Variants in INPP4B observed in about 807,000 individuals in gnomAD.
The protein encoded by INPP4B is inositol polyphosphate-4-phosphatase type II B, also known as inositol polyphosphate 4-phosphatase type II.
A neutral mutation model predicts 122.5 loss-of-function variants in INPP4B; 55 were observed. The ratio of observed to expected loss-of-function variants is 0.45; its 90% CI spans 0.36 to 0.56. The LOEUF (loss-of-function observed/expected upper bound fraction) is 0.56, where lower values mean the gene tolerates loss of function less well. Among genes scored for constraint, INPP4B ranks in the 20% least tolerant of loss-of-function variants. The pLI is 0.00. For missense variants in INPP4B, 1,000 were observed against 1,097.7 expected, an observed-to-expected ratio of 0.91 and a Z score of 1.26; for synonymous variants, 403 against 388.7, an observed-to-expected ratio of 1.04 and a Z score of -0.43.
intron 1 of INPP4B, among the ~76,000 whole-genome samples, chr4:142,758,352 T>C (rs772138911): frequency 6.6e-6 from 1 of 152,146 alleles, no homozygotes; most frequent in Non-Finnish European, 1.5e-5. Context: ...AGGGAATTAA[T>C]GTATGAACAT....
At chr4:142,337,774 T>C (rs1310901737) in intron 7 of INPP4B, among the ~76,000 whole-genome samples, 1 of 143,214 alleles carries the variant, frequency 7.0e-6, no homozygotes, top group East Asian at 2.0e-4. Context: ...TTTATATATA[T>C]ATTTATATAG....
chr4:142,610,467 A>G (rs1252808252), intron 2 of INPP4B, among the ~76,000 whole-genome samples: 1 of 152,220 alleles, frequency 6.6e-6, no homozygotes, highest in Non-Finnish European at 1.5e-5. Context: ...AATATAACCA[A>G]CACTGTTAAG....
At chr4:142,362,953 G>A (rs1437238462) in intron 7 of INPP4B, among the ~76,000 whole-genome samples, 5 of 152,014 alleles carry the variant, frequency 3.3e-5, no homozygotes, top group African/African-American at 1.2e-4. Flanking sequence ...ATATATCCTT[G>A]TAAGACACCT....
At chr4:142,845,946 C>T (rs1156957670) in intron 1 of INPP4B, among the ~76,000 whole-genome samples, 1 of 152,058 alleles carries the variant, frequency 6.6e-6, no homozygotes, top group African/African-American at 2.4e-5. Flanking sequence ...CAGAGGGGCG[C>T]TCGGCGAGAG....
chr4:142,173,780 G>A lies in INPP4B; in HGVS notation c.1211C>T (p.Pro404Leu), dbSNP rs1826672256. The A allele has an allele frequency of 1.9e-6, 3 of 1,612,902 alleles. No homozygotes were observed. The highest frequency in any genetic ancestry group is 2.5e-6 in the Non-Finnish European group (3 of 1,179,294). The change falls in exon 16 of 26, where the codon CCT becomes CTT. Residue 404 changes from proline to leucine, a missense_variant. Pro to Leu is a moderately conservative substitution (Grantham distance 98, BLOSUM62 -3). Coordinates refer to ENST00000262992, the MANE Select transcript of INPP4B (RefSeq NM_001101669.3). ...TTCCTTTGCTTTGGCTGTGTTTTCA[G>A]GTGAATAGTAAATAAACTGGTATCC... The part of the protein sequence containing the change: ...NTGYQFIYYS[P>L]ENTAKAKEVL...
intron 2 of INPP4B, among the ~76,000 whole-genome samples, chr4:142,501,208 G>T (rs1456726636): frequency 6.6e-6 from 1 of 152,244 alleles, no homozygotes; most frequent in South Asian, 2.1e-4. Flanking sequence ...CCAGTTGTTG[G>T]CTCATTTATA....
At chr4:142,111,736 A>G (rs1264226943) in intron 22 of INPP4B, among the ~76,000 whole-genome samples, 1 of 149,570 alleles carries the variant, frequency 6.7e-6, no homozygotes, top group East Asian at 2.0e-4. Flanking sequence ...TTCAAAAAAA[A>G]GAGATTTTTT....
intron 1 of INPP4B, among the ~76,000 whole-genome samples, chr4:142,819,530 C>A (rs1780546066): frequency 6.6e-6 from 1 of 152,144 alleles, no homozygotes; most frequent in African/African-American, 2.4e-5. Flanking sequence ...CTGTTACCCA[C>A]TTCATCTAAA....
intron 22 of INPP4B, among the ~76,000 whole-genome samples, chr4:142,110,036 A>T (rs1477533942): frequency 3.3e-5 from 5 of 152,192 alleles, no homozygotes; most frequent in Non-Finnish European, 7.4e-5. Context: ...ACTGGTATTT[A>T]AAAAATACCA....
At position 142,028,502 on chromosome 4, in the gene INPP4B, A is replaced by G; in HGVS notation, c.*280T>C. 1 of 374,994 alleles carries G rather than the reference A, an allele frequency of 2.7e-6. No individual in the cohort carries two copies. The highest frequency in any genetic ancestry group is 4.1e-5 in the East Asian group (1 of 24,170). 23.2% of individuals were successfully genotyped at this position (374,994 alleles called of 1,614,324 possible). ...AGAAACATTTAAATACTCATGAATG[A>G]AATTTACACTTTGTGAACCAATCTC... On this transcript the variant is annotated 3_prime_UTR_variant, in exon 26 of 26. Coordinates refer to ENST00000262992, the MANE Select transcript of INPP4B (RefSeq NM_001101669.3).
At chr4:142,511,573 C>A (rs1824720318) in intron 2 of INPP4B, among the ~76,000 whole-genome samples, 1 of 152,056 alleles carries the variant, frequency 6.6e-6, no homozygotes, top group South Asian at 2.1e-4. Flanking sequence ...GAGTTTAAAT[C>A]AGTGGTTCTT....
At chr4:142,209,113 A>C in intron 12 of INPP4B, 87 bp from the exon 13 acceptor site, 2 of 925,196 alleles carry the variant, frequency 2.2e-6, no homozygotes, top group Non-Finnish European at 3.1e-6. Flanking sequence ...CAAGATAATA[A>C]GAAATTATTT....
intron 2 of INPP4B, among the ~76,000 whole-genome samples, chr4:142,490,537 C>A (rs775767543): frequency 7.9e-5 from 12 of 151,976 alleles, no homozygotes; most frequent in Non-Finnish European, 1.6e-4. Flanking sequence ...CTATCCATTA[C>A]CTCATAATTA....
chr4:142,038,943 A>T (rs1046715568), intron 25 of INPP4B, among the ~76,000 whole-genome samples: 1 of 152,164 alleles, frequency 6.6e-6, no homozygotes, highest in African/African-American at 2.4e-5. Flanking sequence ...TTGATTGAGT[A>T]GCAGATCAGG....
At chr4:142,625,267 A>C (rs1323503873) in intron 2 of INPP4B, among the ~76,000 whole-genome samples, 3 of 152,068 alleles carry the variant, frequency 2.0e-5, no homozygotes, top group African/African-American at 7.2e-5. Context: ...TTAAGCTGAT[A>C]AGCAACTTCA....
At position 142,083,296 on chromosome 4, in the gene INPP4B, A is replaced by G. The variant is rs1412832272; in HGVS notation, c.2488-1111T>C. 2.6e-5 allele frequency among the ~76,000 whole-genome samples: 4 copies of G among 152,084 alleles called. No individual in the cohort carries two copies. In the East Asian group the frequency reaches 7.7e-4, roughly 29 times the overall value. On this transcript the variant is annotated intron_variant, in intron 24 of 25. Coordinates refer to ENST00000262992, the MANE Select transcript of INPP4B (RefSeq NM_001101669.3). ...CTTAAGTTCAAGAATCAAGTCTCTT[A>G]ATTTCTGTTATGTTCTGTTTTCCTC...
Position 142,172,152 on chromosome 4 carries a change from T to G in INPP4B, c.1359+1480A>C, listed in dbSNP as rs565573579. On this transcript the variant is annotated intron_variant, in intron 16 of 25. Transcript: ENST00000262992. The stretch of plus-strand genomic sequence containing the variant: ...TACTAAGGCATTTGTCTAACAAACA[T>G]TTTTAAAAAAAAACTTTTAAATAAG... Among the ~76,000 whole-genome samples, 22 of 151,764 alleles carry G rather than the reference T, an allele frequency of 1.4e-4. No individual in the cohort carries two copies. In the South Asian group the frequency reaches 4.6e-3, roughly 32 times the overall value.
At chr4:142,323,144 T>TAAAAGCTCCAGATGATA (rs1158475149) in intron 7 of INPP4B, among the ~76,000 whole-genome samples, 2 of 152,118 alleles carry the variant, frequency 1.3e-5, no homozygotes. Context: ...TAGGAAACGT[T>TAAAAGCTCCAGATGATA]CCTTAAATTT....
At chr4:142,030,579 A>G (rs1038999565) in intron 25 of INPP4B, among the ~76,000 whole-genome samples, 2 of 152,192 alleles carry the variant, frequency 1.3e-5, no homozygotes, top group African/African-American at 4.8e-5. Context: ...GGTTGATTAC[A>G]TATGTGCAAG....
Sources: gnomAD v4.1 joint callset for allele counts (sites outside exome capture counted in the v4.1 genomes callset) on GRCh38, gnomAD v4.1.1 for gene constraint, MANE v1.5 for transcripts, NCBI Gene and HGNC (gene_info 2026-07-23, HGNC 2026-07-21) for gene names.